LSAMP: variants seen among roughly 807,000 people sequenced by gnomAD.
LSAMP encodes limbic system-associated membrane protein.
A neutral mutation model predicts 38.6 loss-of-function variants in LSAMP; 7 were observed. That is an observed-to-expected ratio of 0.18 (90% CI 0.10 to 0.34). The LOEUF (loss-of-function observed/expected upper bound fraction) is 0.34, where lower values mean the gene tolerates loss of function less well. Ranked by LOEUF, LSAMP falls within the 10% of genes least tolerant of loss-of-function variation. The pLI is 1.00. For missense variants in LSAMP, 313 were observed against 420.0 expected (o/e 0.75, Z 2.23); for synonymous variants, 154 against 166.8 (o/e 0.92, Z 0.59).
intron 1 of LSAMP, among the ~76,000 whole-genome samples, chr3:116,404,039 T>G (rs2107829937): frequency 6.6e-6 from 1 of 152,208 alleles, no homozygotes; most frequent in East Asian, 1.9e-4. Flanking sequence ...CAGCTTAGAA[T>G]TTTTTATATG....
chr3:115,980,005 A>C (rs1331251875), intron 3 of LSAMP, among the ~76,000 whole-genome samples: 1 of 152,102 alleles, frequency 6.6e-6, no homozygotes, highest in African/African-American at 2.4e-5. Context: ...TTTGACTCTA[A>C]AGTCAACTTG....
At chr3:116,301,674 T>C (rs1024356613) in intron 1 of LSAMP, among the ~76,000 whole-genome samples, 2 of 152,194 alleles carry the variant, frequency 1.3e-5, no homozygotes, top group African/African-American at 2.4e-5. Context: ...TTCTCATGCA[T>C]ATATTCATGG....
intron 1 of LSAMP, among the ~76,000 whole-genome samples, chr3:116,268,256 C>CTTTG (rs2046919258): frequency 6.6e-6 from 1 of 151,836 alleles, no homozygotes; most frequent in African/African-American, 2.4e-5. Flanking sequence ...TTCCTTCTTA[C>CTTTG]TTTGTTTATA....
chr3:115,906,508 A>G (rs1171567556), intron 3 of LSAMP, among the ~76,000 whole-genome samples: 1 of 152,154 alleles, frequency 6.6e-6, no homozygotes, highest in African/African-American at 2.4e-5. Flanking sequence ...TAGACTTCGA[A>G]GAGAAGGCAG....
At chr3:116,145,100 A>G (rs986811732) in intron 1 of LSAMP, among the ~76,000 whole-genome samples, 1 of 151,916 alleles carries the variant, frequency 6.6e-6, no homozygotes, top group African/African-American at 2.4e-5. Flanking sequence ...GTTTATCTAC[A>G]AGGTGGCTTT....
chr3:115,838,391 C>T (rs1934866401), intron 6 of LSAMP, among the ~76,000 whole-genome samples: 1 of 152,208 alleles, frequency 6.6e-6, no homozygotes, highest in South Asian at 2.1e-4. Flanking sequence ...AGTCTGGAAA[C>T]ACAGTCTGTT....
At chr3:115,962,514 G>T (rs188927500) in intron 3 of LSAMP, among the ~76,000 whole-genome samples, 1 of 152,240 alleles carries the variant, frequency 6.6e-6, no homozygotes, top group Non-Finnish European at 1.5e-5. Context: ...TTGTAAATAG[G>T]GAGGCCTATC....
intron 3 of LSAMP, among the ~76,000 whole-genome samples, chr3:115,953,404 T>TACACACACACACAC (rs71616336): frequency 0.049 from 7,105 of 143,580 alleles, 254 homozygotes; most frequent in East Asian, 0.13. Flanking sequence ...GTAGTGTGCG[T>TACACACACACACAC]ACACACACAC....
intron 1 of LSAMP, among the ~76,000 whole-genome samples, chr3:116,312,571 T>A (rs983024922): frequency 6.6e-6 from 1 of 152,178 alleles, no homozygotes; most frequent in Non-Finnish European, 1.5e-5. Flanking sequence ...TTTTCTATCA[T>A]CTATGCCTTT....
chr3:116,256,268 T>G (rs1324112321), intron 1 of LSAMP, among the ~76,000 whole-genome samples: 1 of 152,212 alleles, frequency 6.6e-6, no homozygotes, highest in Non-Finnish European at 1.5e-5. Context: ...TTTCCTCTAG[T>G]GCATTTAAAA....
chr3:115,806,370 C>T lies in LSAMP; in HGVS notation c.*3947G>A, dbSNP rs1933630466. ...TTGTTTTCCACAAATAATTCGAGCC[C>T]TGCAAAGAACAAAATGAAAAATTCA... is the stretch of plus-strand genomic sequence containing the variant. On this transcript the variant is annotated 3_prime_UTR_variant, in exon 7 of 7. Coordinates refer to ENST00000490035, the MANE Select transcript of LSAMP (RefSeq NM_002338.5). The T allele has an allele frequency of 6.6e-6, 1 of 152,088 alleles. No individual in the cohort carries two copies. The highest frequency in any genetic ancestry group is 1.5e-5 in the Non-Finnish European group (1 of 68,000). The allele number at this position is 152,088 out of a possible 1,614,324, so 9.4% of individuals were successfully genotyped here.
At chr3:116,039,923 A>G (rs1036259229) in intron 2 of LSAMP, among the ~76,000 whole-genome samples, 3 of 152,074 alleles carry the variant, frequency 2.0e-5, no homozygotes, top group Non-Finnish European at 4.4e-5. Context: ...CTCAACATAC[A>G]TCGCTAAAGC....
At chr3:116,256,603 A>C (rs2046754724) in intron 1 of LSAMP, among the ~76,000 whole-genome samples, 2 of 152,206 alleles carry the variant, frequency 1.3e-5, no homozygotes. Context: ...TAGTATGTAA[A>C]GGATAGAAAG....
chr3:116,307,900 T>G (rs910855916), intron 1 of LSAMP, among the ~76,000 whole-genome samples: 3 of 151,904 alleles, frequency 2.0e-5, no homozygotes, highest in Non-Finnish European at 4.4e-5. Context: ...TTATTAGATA[T>G]TTGATCTAGA....
chr3:115,910,916 G>C (rs1318187466), intron 3 of LSAMP, among the ~76,000 whole-genome samples: 1 of 152,128 alleles, frequency 6.6e-6, no homozygotes, highest in Admixed American at 6.5e-5. Flanking sequence ...GTAGAGTAGG[G>C]TGACTATACT....
At chr3:116,273,239 C>A (rs2046997700) in intron 1 of LSAMP, among the ~76,000 whole-genome samples, 2 of 151,976 alleles carry the variant, frequency 1.3e-5, no homozygotes, top group South Asian at 4.1e-4. Context: ...GGATAAGAAC[C>A]CCCACGGTTT....
intron 1 of LSAMP, among the ~76,000 whole-genome samples, chr3:116,139,757 G>A (rs1709330742): frequency 6.6e-6 from 1 of 151,906 alleles, no homozygotes; most frequent in Non-Finnish European, 1.5e-5. Context: ...TGCTTTGGGG[G>A]AATGGGAAAG....
At position 115,909,092 on chromosome 3, in the gene LSAMP, A is replaced by G. The variant is rs1201887318; in HGVS notation, c.515-56475T>C. On this transcript the variant is annotated intron_variant, in intron 3 of 6. Transcript: ENST00000490035. ...GTTGCTATACTGCCTTCCCTGTCCTAATGCCCGTCCGGTTCAATATCTGTC... is the reference window on the plus strand; with the variant it reads ...GTTGCTATACTGCCTTCCCTGTCCTGATGCCCGTCCGGTTCAATATCTGTC... 4.6e-5 allele frequency among the ~76,000 whole-genome samples: 7 copies of G among 152,274 alleles called. 1 individual carries two copies. The South Asian group carries it at 1.5e-3, about 32-fold the overall frequency.
chr3:116,103,845 C>T (rs1223628584), intron 1 of LSAMP, among the ~76,000 whole-genome samples: 1 of 151,948 alleles, frequency 6.6e-6, no homozygotes, highest in Non-Finnish European at 1.5e-5. Context: ...CACAAAAATC[C>T]TACGGGTATT....
Sources: allele counts gnomAD v4.1 joint callset (sites outside exome capture counted in the v4.1 genomes callset), GRCh38; gene constraint gnomAD v4.1.1; transcripts MANE v1.5; gene names NCBI Gene and HGNC (gene_info 2026-07-23, HGNC 2026-07-21).